MICU1: variants seen among roughly 807,000 people sequenced by gnomAD.
MICU1 encodes mitochondrial calcium uptake 1, also known as calcium uptake protein 1, mitochondrial.
A neutral mutation model predicts 56.8 loss-of-function variants in MICU1; 45 were observed. The observed-to-expected ratio is 0.79, with a 90% CI of 0.62 to 1.02. The LOEUF (loss-of-function observed/expected upper bound fraction) is 1.02, where lower values mean the gene tolerates loss of function less well. Ranked by LOEUF, MICU1 falls within the 50% of genes least tolerant of loss-of-function variation. The pLI is 0.00. For missense variants in MICU1, 504 were observed against 587.1 expected (o/e 0.86, Z 1.46); for synonymous variants, 186 against 195.1 (o/e 0.95, Z 0.39).
intron 1 of MICU1, among the ~76,000 whole-genome samples, chr10:72,609,090 G>C (rs1453572780): frequency 1.3e-5 from 2 of 152,150 alleles, no homozygotes; most frequent in Non-Finnish European, 2.9e-5. Context: ...GGAAATTCTG[G>C]CATATGCTAC....
intron 10 of MICU1, among the ~76,000 whole-genome samples, chr10:72,377,424 C>T (rs536310017): frequency 1.4e-4 from 21 of 151,864 alleles, no homozygotes; most frequent in African/African-American, 3.9e-4. Context: ...TCAGCGGGCC[C>T]GGCCAATAGT....
At chr10:72,430,772 C>CTGGT (rs1196600454) in intron 8 of MICU1, among the ~76,000 whole-genome samples, 1 of 152,114 alleles carries the variant, frequency 6.6e-6, no homozygotes, top group Non-Finnish European at 1.5e-5. Context: ...CATTGGCAGG[C>CTGGT]TGGTCATGAA....
chr10:72,572,253 C>A (rs77587251), intron 1 of MICU1, among the ~76,000 whole-genome samples: 3,316 of 152,174 alleles, frequency 0.022, 53 homozygotes, highest in Non-Finnish European at 0.031. Flanking sequence ...TAATTAATTT[C>A]ATTTAGGAGA....
At chr10:72,595,139 G>A (rs1460690657) in intron 1 of MICU1, among the ~76,000 whole-genome samples, 1 of 151,786 alleles carries the variant, frequency 6.6e-6, no homozygotes, top group Non-Finnish European at 1.5e-5. Context: ...TGGGAGAAAT[G>A]ATCATGCCTG....
chr10:72,449,666 A>T (rs183677544), intron 8 of MICU1, among the ~76,000 whole-genome samples: 59 of 151,144 alleles, frequency 3.9e-4, no homozygotes, highest in Middle Eastern at 3.4e-3. Flanking sequence ...GTTTTTTTTT[A>T]AAAGCAACTT....
In MICU1 at chr10:72,620,915, C is replaced by A. The variant is rs1251596556; in HGVS notation, c.-2+5095G>T. 2.0e-5 allele frequency among the ~76,000 whole-genome samples: 3 copies of A among 152,292 alleles called. No homozygotes were observed. In the East Asian group the frequency reaches 5.8e-4, roughly 29 times the overall value. On this transcript the variant is annotated intron_variant, in intron 1 of 11. Transcript: ENST00000361114. ...CAGGTATCTTATCTACAGGTATCCA[C>A]TCTATCGTGCTCTTAAAGCATGATT...
chr10:72,440,223 C>T lies in MICU1; in HGVS notation c.934-16852G>A, dbSNP rs1419228049. Among the ~76,000 whole-genome samples the T allele has an allele frequency of 5.3e-5, 8 of 152,246 alleles. No homozygotes were observed. The East Asian group carries it at 9.6e-4, about 18-fold the overall frequency. ...AGATATATAGACTAATGGAACAGAA[C>T]AGAGGCCTCAGAAATAACACCATAC... On this transcript the variant is annotated intron_variant, in intron 8 of 11. Transcript: ENST00000361114.
At chr10:72,617,130 T>C (rs1483491776) in intron 1 of MICU1, among the ~76,000 whole-genome samples, 3 of 152,232 alleles carry the variant, frequency 2.0e-5, no homozygotes, top group East Asian at 3.8e-4. Context: ...TCACCAGAAA[T>C]AGAAGACCAG....
intron 8 of MICU1, among the ~76,000 whole-genome samples, chr10:72,465,503 C>CTTTT (rs10586216): frequency 8.7e-5 from 5 of 57,746 alleles, no homozygotes; most frequent in African/African-American, 2.4e-4. Flanking sequence ...CTGTTCAGGT[C>CTTTT]TTTTTTTTTT....
intron 6 of MICU1, chr10:72,483,226 C>T (rs1866360926): frequency 6.6e-6 from 1 of 152,310 alleles, no homozygotes; most frequent in Non-Finnish European, 1.5e-5. Context: ...TCCTTTTAGC[C>T]ATGAAGACAA....
At chr10:72,475,550 T>C (rs1866092292) in intron 7 of MICU1, among the ~76,000 whole-genome samples, 1 of 151,902 alleles carries the variant, frequency 6.6e-6, no homozygotes, top group African/African-American at 2.4e-5. Flanking sequence ...TGCCTCAGCC[T>C]CCTGAGTAGC....
In MICU1 at chr10:72,441,014, C is replaced by T. The variant is rs188173885; in HGVS notation, c.934-17643G>A. The stretch of plus-strand genomic sequence containing the variant: ...TGGTGATTCCTCAAGGATCTAGAAC[C>T]AGAATTACCATTTGACCCAGCAATC... On this transcript the variant is annotated intron_variant, in intron 8 of 11. Transcript: ENST00000361114. Among the ~76,000 whole-genome samples the T allele has an allele frequency of 6.2e-3, 943 of 152,138 alleles. 9 individuals are homozygous for T. Among genetic ancestry groups the T allele is most frequent in the African/African-American group, 0.022 (897 of 41,512 alleles).
chr10:72,560,035 C>A (rs1840253765), intron 3 of MICU1, among the ~76,000 whole-genome samples: 2 of 152,166 alleles, frequency 1.3e-5, no homozygotes, highest in Non-Finnish European at 2.9e-5. Flanking sequence ...AAACTGTCTT[C>A]CACAAAACCA....
chr10:72,459,168 T>C (rs918648554), intron 8 of MICU1, among the ~76,000 whole-genome samples: 1 of 151,990 alleles, frequency 6.6e-6, no homozygotes, highest in Non-Finnish European at 1.5e-5. Context: ...CCATCTCTAC[T>C]AAAAATATGA....
intron 8 of MICU1, among the ~76,000 whole-genome samples, chr10:72,437,460 A>G (rs988847753): frequency 6.6e-6 from 1 of 152,214 alleles, no homozygotes; most frequent in Non-Finnish European, 1.5e-5. Flanking sequence ...TGTAAAGACC[A>G]TTGATTAGCA....
intron 1 of MICU1, among the ~76,000 whole-genome samples, chr10:72,578,852 G>A (rs187707545): frequency 5.9e-5 from 9 of 152,234 alleles, no homozygotes; most frequent in East Asian, 1.9e-4. Context: ...TGATCCATCC[G>A]CCTTGGCCTC....
chr10:72,438,802 G>A (rs1214673632), intron 8 of MICU1, among the ~76,000 whole-genome samples: 1 of 152,164 alleles, frequency 6.6e-6, no homozygotes, highest in Admixed American at 6.5e-5. Flanking sequence ...AAATCTAGAA[G>A]AAATGGATAA....
intron 8 of MICU1, among the ~76,000 whole-genome samples, chr10:72,461,438 T>A (rs1353891640): frequency 6.6e-6 from 1 of 152,240 alleles, no homozygotes; most frequent in Non-Finnish European, 1.5e-5. Context: ...CCCTGCTCTC[T>A]TACTTCACAG....
chr10:72,587,960 C>G (rs578023741), intron 1 of MICU1, among the ~76,000 whole-genome samples: 3 of 152,046 alleles, frequency 2.0e-5, no homozygotes, highest in African/African-American at 7.2e-5. Context: ...TCTTGTTAAT[C>G]TGATTTTTGT....
Sources: gnomAD v4.1 joint callset for allele counts (sites outside exome capture counted in the v4.1 genomes callset) on GRCh38, gnomAD v4.1.1 for gene constraint, MANE v1.5 for transcripts, NCBI Gene and HGNC (gene_info 2026-07-23, HGNC 2026-07-21) for gene names.